Variants in CACNA1G observed in about 807,000 individuals in gnomAD.
The protein encoded by CACNA1G is voltage-dependent T-type calcium channel subunit alpha-1G.
A neutral mutation model predicts 219.4 loss-of-function variants in CACNA1G; 67 were observed. The observed-to-expected ratio is 0.31, with a 90% CI of 0.25 to 0.37. CACNA1G has a LOEUF of 0.37. CACNA1G is among the 10% of genes least tolerant of loss of function. CACNA1G has a pLI of 1.00. For synonymous variants in CACNA1G, 1,296 were observed against 1,345.3 expected (o/e 0.96, Z 0.80); for missense variants, 2,380 against 3,231.4 (o/e 0.74, Z 6.39).
At chr17:50,601,274 C>A in intron 19 of CACNA1G, 100 bp downstream of exon 19, 1 of 1,444,888 alleles carries the variant, frequency 6.9e-7, no homozygotes, top group South Asian at 1.2e-5. Context: ...CTGCAAGTCA[C>A]ACAGCAGGGA....
At chr17:50,592,812 AC>A (rs1158367471) in intron 13 of CACNA1G, among the ~76,000 whole-genome samples, 2 of 152,084 alleles carry the variant, frequency 1.3e-5, no homozygotes, top group African/African-American at 4.8e-5. Flanking sequence ...GTTTGACCCA[AC>A]CTAGAAACGC....
intron 25 of CACNA1G, among the ~76,000 whole-genome samples, chr17:50,609,194 C>T (rs2048629597): frequency 6.6e-6 from 1 of 152,144 alleles, no homozygotes; most frequent in South Asian, 2.1e-4. Flanking sequence ...GGGAGTGGCA[C>T]TCTGAGGCGG....
At position 50,621,013 on chromosome 17, in the gene CACNA1G, G is replaced by A. The variant is rs149169279; in HGVS notation, c.5926-647G>A. On this transcript the variant is annotated intron_variant, in intron 34 of 37. Coordinates refer to ENST00000359106, the MANE Select transcript of CACNA1G (RefSeq NM_018896.5). This position sits in a 1 kb window ranked among gnomAD's most constrained non-coding sequence, Gnocchi z 4.6. ...ATGGTGTGGCAGCCCACCCGAGTGC[G>A]CCCACTTCAGGCTAACGGGAGAACA... Among the ~76,000 whole-genome samples the A allele has an allele frequency of 2.4e-3, 365 of 152,306 alleles. 3 individuals carry two copies. The highest frequency in any genetic ancestry group is 8.6e-3 in the African/African-American group (358 of 41,580).
intron 4 of CACNA1G, among the ~76,000 whole-genome samples, chr17:50,570,220 A>G (rs538688040): frequency 5.3e-5 from 8 of 152,260 alleles, no homozygotes; most frequent in African/African-American, 1.9e-4. Context: ...GCCACGCTGA[A>G]CGTGACTTCT....
intron 34 of CACNA1G, among the ~76,000 whole-genome samples, chr17:50,620,764 C>T (rs2146343137): frequency 6.6e-6 from 1 of 152,342 alleles, no homozygotes; most frequent in South Asian, 2.1e-4. Context: ...GACCTTGCCT[C>T]TTGTTGGGAT....
At chr17:50,575,519 C>T (rs1466407794) in intron 7 of CACNA1G, 24 bp from the exon 8 acceptor site, 1 of 1,585,024 alleles carries the variant, frequency 6.3e-7, no homozygotes, top group African/African-American at 1.3e-5. Flanking sequence ...AGGACATTTC[C>T]TCTTCCTGTC....
chr17:50,591,988 A>T lies in CACNA1G; in HGVS notation c.2806A>T (p.Thr936Ser). 6.2e-7 allele frequency: 1 copy of T among 1,613,964 alleles called. No homozygotes were observed. Among genetic ancestry groups the T allele is most frequent in the Non-Finnish European group, 8.5e-7 (1 of 1,179,836 alleles). ...AGTCCTCTACAATGGTATGGCCTCC[A>T]CGTCGTCCTGGGCGGCCCTTTATTT... ...NKVLYNGMAS[T>S]SSWAALYFIA... is the part of the protein sequence containing the mutation. Residue 936 changes from threonine (T) to serine (S), a missense_variant, in exon 13 of 38, where the codon ACG becomes TCG. Around this residue, in one of 17 missense-constraint regions of CACNA1G, gnomAD observed 43 missense variants for 139.4 expected, o/e 0.31. Coordinates refer to ENST00000359106, the MANE Select transcript of CACNA1G (RefSeq NM_018896.5).
Position 50,586,210 on chromosome 17 carries a change from T to C in CACNA1G, c.2302-4261T>C, listed in dbSNP as rs185253250. Among the ~76,000 whole-genome samples the C allele has an allele frequency of 7.4e-3, 1,133 of 152,336 alleles. 51 individuals carry two copies. Among genetic ancestry groups the C allele is most frequent in the Admixed American group, 0.066 (1,011 of 15,304 alleles). ...GATTAATCTTCTTCATACACTGCTTTGTACATCTCCTTCCTCCCTTCCCAC... is the reference window on the plus strand; with the variant it reads ...GATTAATCTTCTTCATACACTGCTTCGTACATCTCCTTCCTCCCTTCCCAC... On this transcript the variant is annotated intron_variant, in intron 9 of 37. Coordinates refer to ENST00000359106, the MANE Select transcript of CACNA1G (RefSeq NM_018896.5).
At chr17:50,588,475 C>T (rs1598333307) in intron 9 of CACNA1G, among the ~76,000 whole-genome samples, 2 of 151,074 alleles carry the variant, frequency 1.3e-5, no homozygotes, top group African/African-American at 4.9e-5. Context: ...GCAGACCGGA[C>T]TTGGAAGTAC....
chr17:50,596,751 C>CGGAGCT lies in CACNA1G; in HGVS notation c.3088_3093dup (p.Glu1030_Leu1031dup). 1 of 1,613,248 alleles carries CGGAGCT rather than the reference C, an allele frequency of 6.2e-7. No homozygotes were observed. The highest frequency in any genetic ancestry group is 1.6e-4 in the Middle Eastern group (1 of 6,062). ...GCAGTGGTGTCCCTGGGAGAGCACC[C>CGGAGCT]GGAGCTGCGGAAGAGCCTGCTGCCG... On this transcript the variant is annotated inframe_insertion, in exon 16 of 38. Transcript: ENST00000359106. This position sits in a 1 kb window ranked among gnomAD's most constrained non-coding sequence, Gnocchi z 4.8.
Position 50,600,162 on chromosome 17 carries a change from A to G in CACNA1G, c.3690+303A>G, listed in dbSNP as rs1279747442. Among the ~76,000 whole-genome samples, 1 of 152,066 alleles carries G rather than the reference A, an allele frequency of 6.6e-6. No individual in the cohort carries two copies. On this transcript the variant is annotated intron_variant, in intron 17 of 37. Transcript: ENST00000359106. This position sits in a 1 kb window ranked among gnomAD's most constrained non-coding sequence, Gnocchi z 4.1. ...TGTGACTCAGAAAGACCCATCACTCATCTCTCCAAACTGATGCCCCGCATC... is the reference window on the plus strand; with the variant it reads ...TGTGACTCAGAAAGACCCATCACTCGTCTCTCCAAACTGATGCCCCGCATC...
At chr17:50,590,992 G>A (rs1044583132) in intron 10 of CACNA1G, among the ~76,000 whole-genome samples, 27 of 152,234 alleles carry the variant, frequency 1.8e-4, no homozygotes, top group Middle Eastern at 3.4e-3. Context: ...TGCCCGGCTC[G>A]AAAAGTGCTT....
chr17:50,566,357 T>G (rs1222608618), intron 1 of CACNA1G, among the ~76,000 whole-genome samples: 1 of 150,108 alleles, frequency 6.7e-6, no homozygotes, highest in African/African-American at 2.4e-5. Context: ...AATTGTCGTG[T>G]GCCTTGGTCT....
Position 50,561,333 on chromosome 17 carries a change from C to G in CACNA1G, c.-127C>G, listed in dbSNP as rs1264574483. The G allele has an allele frequency of 8.1e-7, 1 of 1,237,792 alleles. No individual in the cohort carries two copies. Among genetic ancestry groups the G allele is most frequent in the Non-Finnish European group, 1.1e-6 (1 of 900,562 alleles). 76.7% of individuals were successfully genotyped at this position (1,237,792 alleles called of 1,614,324 possible). On this transcript the variant is annotated 5_prime_UTR_variant, in exon 1 of 38. Coordinates refer to ENST00000359106, the MANE Select transcript of CACNA1G (RefSeq NM_018896.5). ...TGGGCTGAACTGGCCCTCCCGGGGGCTCAGCTTGCGCCCTAGAGCCCACCA... is the reference window on the plus strand; with the variant it reads ...TGGGCTGAACTGGCCCTCCCGGGGGGTCAGCTTGCGCCCTAGAGCCCACCA...
chr17:50,571,319 TC>T lies in CACNA1G; in HGVS notation c.587-557del. On this transcript the variant is annotated intron_variant, in intron 4 of 37. Coordinates refer to ENST00000359106, the MANE Select transcript of CACNA1G (RefSeq NM_018896.5). This position sits in a 1 kb window ranked among gnomAD's most constrained non-coding sequence, Gnocchi z 4.3. ...TGAGATTCCTGCCTGCTGTCATTCC[TC>T]CTGGAGTTCGCTGCCTCAGTTTCCC... is the stretch of plus-strand genomic sequence containing the variant. Among the ~76,000 whole-genome samples the T allele has an allele frequency of 6.6e-6, 1 of 152,220 alleles. No individual in the cohort carries two copies. Among genetic ancestry groups the T allele is most frequent in the African/African-American group, 2.4e-5 (1 of 41,446 alleles).
rs2046475081 is a variant in CACNA1G, at chr17:50,600,844, G to T, written c.3791+18G>T. 6.3e-7 allele frequency: 1 copy of T among 1,597,358 alleles called. No individual in the cohort carries two copies. Among genetic ancestry groups the T allele is most frequent in the East Asian group, 2.2e-5 (1 of 44,806 alleles). ...CAGTCCAGGTAAGTGACAGGGCAGG[G>T]GTCTGACCTGTGTCCCGACCTCTTC... On this transcript the variant is annotated intron_variant, in intron 18 of 37. Coordinates refer to ENST00000359106, the MANE Select transcript of CACNA1G (RefSeq NM_018896.5). The surrounding 1 kb of genome is among the most constrained non-coding windows in gnomAD (Gnocchi z 4.1).
intron 14 of CACNA1G, 59 bp downstream of exon 14, chr17:50,595,120 T>C (rs2078326738): frequency 1.6e-6 from 2 of 1,267,002 alleles, no homozygotes; most frequent in Non-Finnish European, 2.2e-6. Flanking sequence ...GCCCCTCCAC[T>C]CCGCCTCCGT....
rs530033863 is a variant in CACNA1G at position 50,571,665 on chromosome 17, C to T, written c.587-213C>T. Among the ~76,000 whole-genome samples, 12 of 152,268 alleles carry T rather than the reference C, an allele frequency of 7.9e-5. No homozygotes were observed. Among genetic ancestry groups the T allele is most frequent in the African/African-American group, 2.6e-4 (11 of 41,540 alleles). On this transcript the variant is annotated intron_variant, in intron 4 of 37. Coordinates refer to ENST00000359106, the MANE Select transcript of CACNA1G (RefSeq NM_018896.5). The surrounding 1 kb of genome is among the most constrained non-coding windows in gnomAD (Gnocchi z 4.3). ...CTGTTGGTGGTACTGTGCAGATTACCGTGGGCAAGCCACAAGGGGAAGTGG... is the reference window on the plus strand; with the variant it reads ...CTGTTGGTGGTACTGTGCAGATTACTGTGGGCAAGCCACAAGGGGAAGTGG...
intron 26 of CACNA1G, among the ~76,000 whole-genome samples, chr17:50,610,732 GACTTC>G (rs1598631396): frequency 6.6e-6 from 1 of 152,214 alleles, no homozygotes; most frequent in East Asian, 1.9e-4. Flanking sequence ...TCCTCCAACA[GACTTC>G]ACACTTTAGA....
Sources: allele counts gnomAD v4.1 joint callset (sites outside exome capture counted in the v4.1 genomes callset), GRCh38; gene constraint gnomAD v4.1.1; regional missense constraint gnomAD v4.1.1; non-coding constraint Gnocchi (gnomAD v3.1); transcripts MANE v1.5; gene names NCBI Gene and HGNC (gene_info 2026-07-23, HGNC 2026-07-21).